GPC5: variants seen among roughly 807,000 people sequenced by gnomAD.
GPC5 encodes glypican 5, also known as glypican-5.
Under a neutral mutation model 53.9 loss-of-function variants are expected in GPC5, and 47 were observed. That is an observed-to-expected ratio of 0.87 (90% CI 0.69 to 1.11). GPC5 has a LOEUF of 1.11. Among genes scored for constraint, GPC5 ranks in the 50% most tolerant of loss-of-function variants. The pLI is 0.00. For missense variants in GPC5, 748 were observed against 713.1 expected (o/e 1.05, Z -0.56); for synonymous variants, 286 against 263.3 (o/e 1.09, Z -0.84).
chr13:91,597,890 T>G (rs7322662), intron 2 of GPC5, among the ~76,000 whole-genome samples: 11,735 of 149,602 alleles, frequency 0.078, 717 homozygotes, highest in South Asian at 0.25. Flanking sequence ...TTACTTGAAT[T>G]TTTCAAGCAT....
intron 2 of GPC5, among the ~76,000 whole-genome samples, chr13:91,595,394 C>T (rs2032958336): frequency 1.3e-5 from 2 of 152,260 alleles, no homozygotes; most frequent in South Asian, 2.1e-4. Context: ...TGGCTCATCA[C>T]AAATTTTTAT....
chr13:92,374,390 T>C (rs9589525), intron 7 of GPC5, among the ~76,000 whole-genome samples: 80,938 of 151,736 alleles, frequency 0.53, 21,788 homozygotes, highest in East Asian at 0.55. Flanking sequence ...ACTTCCAAAG[T>C]GACTGATTTC....
At chr13:91,963,972 C>G (rs1239753891) in intron 6 of GPC5, among the ~76,000 whole-genome samples, 4 of 152,118 alleles carry the variant, frequency 2.6e-5, no homozygotes, top group Non-Finnish European at 4.4e-5. Flanking sequence ...CCTCAGGGAT[C>G]TAAAATTAGA....
intron 1 of GPC5, among the ~76,000 whole-genome samples, chr13:91,430,515 C>A (rs1051874132): frequency 6.6e-6 from 1 of 152,142 alleles, no homozygotes; most frequent in African/African-American, 2.4e-5. Context: ...ACTTTCTCTT[C>A]TTCTGAGTGG....
intron 2 of GPC5, among the ~76,000 whole-genome samples, chr13:91,618,070 C>G (rs74107721): frequency 0.039 from 5,884 of 152,074 alleles, 140 homozygotes; most frequent in African/African-American, 0.061. Flanking sequence ...TAGATTTGGC[C>G]CATGGACTGT....
intron 7 of GPC5, among the ~76,000 whole-genome samples, chr13:92,835,171 A>G (rs2138825975): frequency 6.6e-6 from 1 of 152,174 alleles, no homozygotes; most frequent in East Asian, 1.9e-4. Flanking sequence ...ATTTTTTCAA[A>G]GCCTAGGTTC....
Position 92,637,539 on chromosome 13 carries a change from G to A in GPC5, c.1562-228743G>A, listed in dbSNP as rs991004464. 3.6e-4 allele frequency among the ~76,000 whole-genome samples: 55 copies of A among 152,214 alleles called. 1 individual carries two copies. The highest frequency in any genetic ancestry group is 2.6e-4 in the African/African-American group (11 of 41,546). On this transcript the variant is annotated intron_variant, in intron 7 of 7. Coordinates refer to ENST00000377067, the MANE Select transcript of GPC5 (RefSeq NM_004466.6). ...TGAATCAGTTAGAATACTCAGAAGTGTATTGTCTCACTAATGTGGAAAAAA... is the reference window on the plus strand; with the variant it reads ...TGAATCAGTTAGAATACTCAGAAGTATATTGTCTCACTAATGTGGAAAAAA...
chr13:91,629,200 C>A (rs2034090578), intron 2 of GPC5, among the ~76,000 whole-genome samples: 1 of 152,036 alleles, frequency 6.6e-6, no homozygotes, highest in South Asian at 2.1e-4. Flanking sequence ...TTTTGTCCAG[C>A]CACACTTTTT....
intron 6 of GPC5, among the ~76,000 whole-genome samples, chr13:92,106,640 A>G (rs1478028658): frequency 6.6e-6 from 1 of 152,146 alleles, no homozygotes; most frequent in Non-Finnish European, 1.5e-5. Context: ...AAGAGTTCAC[A>G]TAAAATCGAA....
At chr13:91,780,157 A>AGTGGTCTTTATTGTATTCAGTGG (rs1237391340) in intron 5 of GPC5, among the ~76,000 whole-genome samples, 1 of 152,182 alleles carries the variant, frequency 6.6e-6, no homozygotes, top group East Asian at 1.9e-4. Flanking sequence ...CTGTATTGTA[A>AGTGGTCTTTATTGTATTCAGTGG]TCTTACGGGA....
intron 6 of GPC5, among the ~76,000 whole-genome samples, chr13:92,019,949 A>G (rs1594727301): frequency 6.6e-6 from 1 of 152,120 alleles, no homozygotes; most frequent in South Asian, 2.1e-4. Flanking sequence ...GGAGATTGGA[A>G]GTTTGATATG....
intron 5 of GPC5, 46 bp from the exon 6 acceptor site, chr13:91,907,891 A>T: frequency 6.3e-7 from 1 of 1,582,238 alleles, no homozygotes; most frequent in Non-Finnish European, 8.5e-7. Flanking sequence ...GACAGATAAT[A>T]CCCTGATCAG....
At chr13:91,645,684 A>G (rs1051885654) in intron 2 of GPC5, among the ~76,000 whole-genome samples, 1 of 152,236 alleles carries the variant, frequency 6.6e-6, no homozygotes, top group Non-Finnish European at 1.5e-5. Flanking sequence ...TGAAAACTGA[A>G]GTCTAGTCAG....
At chr13:92,326,833 C>T (rs2043254808) in intron 7 of GPC5, among the ~76,000 whole-genome samples, 1 of 151,956 alleles carries the variant, frequency 6.6e-6, no homozygotes. Context: ...TATTTACTTC[C>T]CCAAGGACAC....
intron 5 of GPC5, among the ~76,000 whole-genome samples, chr13:91,780,760 T>C (rs2037785267): frequency 6.6e-6 from 1 of 152,236 alleles, no homozygotes; most frequent in African/African-American, 2.4e-5. Flanking sequence ...TTTCACTGTT[T>C]AATTTTATCC....
chr13:91,469,817 A>T (rs1882496840), intron 2 of GPC5, among the ~76,000 whole-genome samples: 1 of 152,116 alleles, frequency 6.6e-6, no homozygotes, highest in African/African-American at 2.4e-5. Flanking sequence ...AGGTGGGTGG[A>T]TCACGTGATG....
At chr13:91,731,283 A>G (rs1286315789) in intron 4 of GPC5, among the ~76,000 whole-genome samples, 1 of 152,200 alleles carries the variant, frequency 6.6e-6, no homozygotes, top group African/African-American at 2.4e-5. Flanking sequence ...TGATAAGCCA[A>G]CCTTCACCAA....
At chr13:92,421,214 A>G (rs1043580539) in intron 7 of GPC5, among the ~76,000 whole-genome samples, 3 of 152,182 alleles carry the variant, frequency 2.0e-5, no homozygotes, top group African/African-American at 7.2e-5. Context: ...GTACTTTGGT[A>G]TTAGAGAATT....
intron 4 of GPC5, among the ~76,000 whole-genome samples, chr13:91,733,919 A>C (rs1467197903): frequency 6.6e-6 from 1 of 152,134 alleles, no homozygotes; most frequent in African/African-American, 2.4e-5. Flanking sequence ...TTTCAAAGGG[A>C]ATGCTTCCAG....
Sources: allele counts gnomAD v4.1 joint callset (sites outside exome capture counted in the v4.1 genomes callset), GRCh38; gene constraint gnomAD v4.1.1; transcripts MANE v1.5; gene names NCBI Gene and HGNC (gene_info 2026-07-23, HGNC 2026-07-21).